Variants in SLC16A12 observed in about 807,000 individuals in gnomAD.
SLC16A12 encodes the protein monocarboxylate transporter 12.
SLC16A12 carries 17 observed loss-of-function variants against 42.4 expected under a neutral mutation model. The ratio of observed to expected loss-of-function variants is 0.40; its 90% confidence interval spans 0.27 to 0.60. The LOEUF (loss-of-function observed/expected upper bound fraction) is 0.60. Ranked by LOEUF, SLC16A12 falls within the 20% of genes least tolerant of loss-of-function variation. The probability of loss-of-function intolerance (pLI) is 0.42; values close to 1 mark genes in which losing one functional copy is unlikely to be tolerated. For synonymous variants in SLC16A12, 224 were observed against 229.4 expected (o/e 0.98, Z 0.21); for missense variants, 544 against 623.0 (o/e 0.87, Z 1.35).
At chr10:89,490,556 A>G (rs567354498) in intron 2 of SLC16A12, among the ~76,000 whole-genome samples, 1 of 152,298 alleles carries the variant, frequency 6.6e-6, no homozygotes, top group South Asian at 2.1e-4. Flanking sequence ...GTATATTATA[A>G]AGGATACAGC....
At chr10:89,490,201 C>G (rs1449437506) in intron 2 of SLC16A12, among the ~76,000 whole-genome samples, 1 of 152,208 alleles carries the variant, frequency 6.6e-6, no homozygotes, top group Non-Finnish European at 1.5e-5. Flanking sequence ...TAACAGTGAA[C>G]CTGGACTTGC....
intron 2 of SLC16A12, among the ~76,000 whole-genome samples, chr10:89,502,980 A>G (rs1589711050): frequency 6.6e-6 from 1 of 152,340 alleles, no homozygotes; most frequent in East Asian, 1.9e-4. Context: ...GCAATCTATG[A>G]TCAGGATCAG....
In SLC16A12 at chr10:89,516,471, T is replaced by A. The variant is rs1354980261; in HGVS notation, c.-47+18030A>T. On this transcript the variant is annotated intron_variant, in intron 2 of 7. Transcript: ENST00000371790. ...AGGAATGTAAATACTCTCTCTGTGATCTTGTTTCCACTGGTGATTTGGTTA... is the reference window on the plus strand; with the variant it reads ...AGGAATGTAAATACTCTCTCTGTGAACTTGTTTCCACTGGTGATTTGGTTA... Among the ~76,000 whole-genome samples, 6 of 152,352 alleles carry A rather than the reference T, an allele frequency of 3.9e-5. No homozygotes were observed. The South Asian group carries it at 1.0e-3, about 26-fold the overall frequency.
chr10:89,508,428 C>T (rs941000298), intron 2 of SLC16A12, among the ~76,000 whole-genome samples: 2 of 152,184 alleles, frequency 1.3e-5, no homozygotes, highest in Non-Finnish European at 2.9e-5. Flanking sequence ...GAAACTCACT[C>T]AAAACTGCAC....
intron 3 of SLC16A12, among the ~76,000 whole-genome samples, chr10:89,448,225 G>A (rs1042129186): frequency 6.6e-6 from 1 of 152,100 alleles, no homozygotes; most frequent in Admixed American, 6.6e-5. Flanking sequence ...TTCCAATCAG[G>A]AGAATAACAG....
In SLC16A12 at chr10:89,530,269, C is replaced by G. The variant is rs1369405613; in HGVS notation, c.-47+4232G>C. On this transcript the variant is annotated intron_variant, in intron 2 of 7. Transcript: ENST00000371790. ...ACTCTTCAAATCTCTTATCACTATGCCACACCTAAGTACTCATCCCTCTTC... is the reference window on the plus strand; with the variant it reads ...ACTCTTCAAATCTCTTATCACTATGGCACACCTAAGTACTCATCCCTCTTC... 2.3e-4 allele frequency among the ~76,000 whole-genome samples: 35 copies of G among 152,154 alleles called. 1 individual carries two copies.
intron 2 of SLC16A12, among the ~76,000 whole-genome samples, chr10:89,490,150 AGATG>A (rs1842825617): frequency 6.6e-6 from 1 of 152,250 alleles, no homozygotes; most frequent in Non-Finnish European, 1.5e-5. Context: ...AATGAGTCAA[AGATG>A]GATGAGCCTG....
intron 2 of SLC16A12, among the ~76,000 whole-genome samples, chr10:89,516,278 T>A (rs985458096): frequency 1.3e-5 from 2 of 152,164 alleles, no homozygotes; most frequent in African/African-American, 4.8e-5. Flanking sequence ...AGCCCTGACG[T>A]GTCCTCTCTG....
At chr10:89,501,865 G>A (rs1465328697) in intron 2 of SLC16A12, among the ~76,000 whole-genome samples, 1 of 152,196 alleles carries the variant, frequency 6.6e-6, no homozygotes, top group Non-Finnish European at 1.5e-5. Context: ...CTACTAAAGT[G>A]TAAGCTCCAT....
rs1267261567 is a variant in SLC16A12 at position 89,432,041 on chromosome 10, C to T, written c.*1023G>A. On this transcript the variant is annotated 3_prime_UTR_variant, in exon 8 of 8. Coordinates refer to ENST00000371790, the MANE Select transcript of SLC16A12 (RefSeq NM_213606.4). ...TTTGGGTAATGATAAAACTAAATGT[C>T]TGATCTGCAAAGAAAACTCTCACCA... 6.6e-6 allele frequency: 1 copy of T among 152,602 alleles called. No individual in the cohort carries two copies. The highest frequency in any genetic ancestry group is 1.9e-4 in the East Asian group (1 of 5,196). The allele number at this position is 152,602 out of a possible 1,614,324, so 9.5% of individuals were successfully genotyped here. A position where few individuals can be genotyped will look rare whatever the true frequency, so the allele number is the denominator to read the frequency against.
intron 4 of SLC16A12, among the ~76,000 whole-genome samples, chr10:89,442,533 G>T (rs1010028995): frequency 6.6e-6 from 1 of 152,120 alleles, no homozygotes; most frequent in Non-Finnish European, 1.5e-5. Flanking sequence ...GACAAACATG[G>T]CTTCTTTGGT....
chr10:89,444,238 A>G (rs1454693495), intron 3 of SLC16A12, among the ~76,000 whole-genome samples: 1 of 152,234 alleles, frequency 6.6e-6, no homozygotes, highest in Admixed American at 6.5e-5. Context: ...TGTCACCTCT[A>G]GGATTTATAT....
intron 2 of SLC16A12, among the ~76,000 whole-genome samples, chr10:89,542,506 G>T (rs1321110024): frequency 6.6e-6 from 1 of 152,050 alleles, no homozygotes; most frequent in Non-Finnish European, 1.5e-5. Context: ...GTTTCACCAT[G>T]TTGGCCAGGC....
At chr10:89,468,852 G>A (rs116955536) in intron 2 of SLC16A12, among the ~76,000 whole-genome samples, 2,276 of 152,154 alleles carry the variant, frequency 0.015, 30 homozygotes, top group Non-Finnish European at 0.021. Flanking sequence ...TATTGCAGCC[G>A]GGCACAATGA....
intron 2 of SLC16A12, among the ~76,000 whole-genome samples, chr10:89,472,670 T>A (rs1842519182): frequency 6.6e-6 from 1 of 151,752 alleles, no homozygotes; most frequent in Admixed American, 6.6e-5. Context: ...TTTTTGTATT[T>A]TTAGTAGCGA....
At chr10:89,459,309 GTTT>G (rs201227644) in intron 3 of SLC16A12, among the ~76,000 whole-genome samples, 3 of 143,618 alleles carry the variant, frequency 2.1e-5, no homozygotes, top group African/African-American at 7.5e-5. Flanking sequence ...AACCAAGGCA[GTTT>G]TTTTAAAAAA....
chr10:89,438,915 G>A lies in SLC16A12; in HGVS notation c.717C>T (p.Asn239=), dbSNP rs746583557. ...CTTCTTTCTGAGTTCTACACACATG[G>A]TTCTGCTCTGGAGTTGTGTGGTCCT... ...LKEDHTTPEQ[N]HVCRTQKEDI... is the part of the protein sequence containing the mutation. The change falls in exon 6 of 8, where the codon AAC becomes AAT. Residue 239 remains asparagine (N), a synonymous_variant. Coordinates refer to ENST00000371790, the MANE Select transcript of SLC16A12 (RefSeq NM_213606.4). The A allele has an allele frequency of 4.5e-5, 73 of 1,614,130 alleles. No homozygotes were observed. In the South Asian group the frequency reaches 6.1e-4, roughly 14 times the overall value.
upstream of SLC16A12, chr10:89,535,630 C>G (rs1843644757): frequency 6.6e-6 from 1 of 152,262 alleles, no homozygotes; most frequent in Admixed American, 6.5e-5. Context: ...ACCCCCATGC[C>G]CCGCCCGCCC....
chr10:89,489,084 T>C (rs778482823), intron 2 of SLC16A12, among the ~76,000 whole-genome samples: 25 of 152,200 alleles, frequency 1.6e-4, no homozygotes, highest in Non-Finnish European at 3.4e-4. Flanking sequence ...GAAAAATCTT[T>C]GAAATTACTA....
Sources: allele counts gnomAD v4.1 joint callset (sites outside exome capture counted in the v4.1 genomes callset), GRCh38; gene constraint gnomAD v4.1.1; transcripts MANE v1.5; gene names NCBI Gene and HGNC (gene_info 2026-07-23, HGNC 2026-07-21).